Variants in PLD5 observed in about 807,000 individuals in gnomAD.
The protein encoded by PLD5 is inactive phospholipase D5.
In PLD5, 36 loss-of-function variants were observed where a neutral mutation model predicts 61.1. The ratio of observed to expected loss-of-function variants is 0.59; its 90% CI spans 0.45 to 0.78. The LOEUF is 0.78. PLD5 is among the 30% of genes least tolerant of loss of function. The pLI is 0.00. For missense variants in PLD5, 515 were observed against 644.4 expected (o/e 0.80, Z 2.17); for synonymous variants, 243 against 242.8 (o/e 1.00, Z -0.01).
At position 242,107,839 on chromosome 1, in the gene PLD5, C is replaced by T. The variant is rs771112335; in HGVS notation, c.1071G>A (p.Arg357=). ...TTGCATCCAAGTCTGGCCAGTAAGT[C>T]CTGCAGAAATCATATCCAAATAGAA... ...YLPISSTSTK[R]TYWPDLDAKI... The change falls in exon 8 of 10, where the codon AGG becomes AGA. Residue 357 remains arginine (R), a splice_region_variant and synonymous_variant. Transcript: ENST00000536534. 1 of 1,580,388 alleles carries T rather than the reference C, an allele frequency of 6.3e-7. No homozygotes were observed. The highest frequency in any genetic ancestry group is 2.2e-5 in the East Asian group (1 of 44,636).
At chr1:242,191,048 G>GCAAGAGGAGGCTC (rs1308512033) in intron 5 of PLD5, among the ~76,000 whole-genome samples, 1 of 151,642 alleles carries the variant, frequency 6.6e-6, no homozygotes, top group African/African-American at 2.4e-5. Flanking sequence ...ACACCCAAAT[G>GCAAGAGGAGGCTC]CAAGAGGAGG....
At chr1:242,268,011 T>C (rs1673804966) in intron 3 of PLD5, among the ~76,000 whole-genome samples, 1 of 152,146 alleles carries the variant, frequency 6.6e-6, no homozygotes, top group South Asian at 2.1e-4. Flanking sequence ...TTAGTGCCTT[T>C]GTAAATTTTA....
At chr1:242,194,602 C>CTATCTATG (rs751129872) in intron 5 of PLD5, among the ~76,000 whole-genome samples, 1 of 78,828 alleles carries the variant, frequency 1.3e-5, no homozygotes, top group Non-Finnish European at 2.4e-5. Context: ...ATCTATCTAT[C>CTATCTATG]TATGTATCTA....
chr1:242,499,673 C>G (rs1422753576), intron 1 of PLD5, among the ~76,000 whole-genome samples: 3 of 152,136 alleles, frequency 2.0e-5, no homozygotes, highest in Non-Finnish European at 4.4e-5. Context: ...CTTATGATCT[C>G]TTTTTAAGGA....
chr1:242,510,447 A>G (rs1668868112), intron 1 of PLD5, among the ~76,000 whole-genome samples: 1 of 152,170 alleles, frequency 6.6e-6, no homozygotes, highest in Admixed American at 6.5e-5. Context: ...TCACTGTACC[A>G]CTTAGCTTGC....
chr1:242,395,512 A>G (rs747537147), intron 1 of PLD5, among the ~76,000 whole-genome samples: 3 of 152,232 alleles, frequency 2.0e-5, no homozygotes, highest in Non-Finnish European at 2.9e-5. Flanking sequence ...CCAAGAATCA[A>G]CAAAGATATG....
chr1:242,216,665 C>T (rs751059139), intron 5 of PLD5, among the ~76,000 whole-genome samples: 6 of 152,234 alleles, frequency 3.9e-5, no homozygotes, highest in Non-Finnish European at 5.9e-5. Context: ...ACAGCACCTT[C>T]TTTACAGCAC....
chr1:242,298,202 A>C (rs2149155574), intron 2 of PLD5, among the ~76,000 whole-genome samples: 1 of 152,294 alleles, frequency 6.6e-6, no homozygotes, highest in East Asian at 1.9e-4. Context: ...TGTTTCTATA[A>C]TTCTAGATGA....
At chr1:242,099,089 C>A (rs1446039128) in intron 9 of PLD5, among the ~76,000 whole-genome samples, 1 of 152,114 alleles carries the variant, frequency 6.6e-6, no homozygotes, top group African/African-American at 2.4e-5. Context: ...TCAAAGCTGT[C>A]AGACAGGGAC....
intron 2 of PLD5, among the ~76,000 whole-genome samples, chr1:242,307,206 T>G (rs1359758176): frequency 2.0e-5 from 3 of 152,194 alleles, no homozygotes; most frequent in African/African-American, 7.2e-5. Flanking sequence ...GATGGGTACC[T>G]GTCAAAAGGA....
chr1:242,317,583 T>C (rs3933049), intron 2 of PLD5, among the ~76,000 whole-genome samples: 119,974 of 152,052 alleles, frequency 0.79, 48,042 homozygotes, highest in Middle Eastern at 0.86. Flanking sequence ...TGGTGATTTT[T>C]TTTTAAAACT....
intron 4 of PLD5, among the ~76,000 whole-genome samples, chr1:242,234,243 C>T (rs1671494142): frequency 6.6e-6 from 1 of 151,956 alleles, no homozygotes; most frequent in Admixed American, 6.6e-5. Context: ...TTCTTTGTAA[C>T]CCTCTCTGAA....
At chr1:242,376,233 A>G (rs1344695766) in intron 1 of PLD5, among the ~76,000 whole-genome samples, 1 of 152,144 alleles carries the variant, frequency 6.6e-6, no homozygotes, top group African/African-American at 2.4e-5. Flanking sequence ...AACTGAGGAA[A>G]TCAGCCTTCC....
At chr1:242,241,997 A>G (rs1265710946) in intron 4 of PLD5, among the ~76,000 whole-genome samples, 2 of 94,206 alleles carry the variant, frequency 2.1e-5, no homozygotes, top group African/African-American at 7.8e-5. Context: ...CTTACTATAT[A>G]TATATATATA....
At chr1:242,484,053 C>G (rs1016411960) in intron 1 of PLD5, among the ~76,000 whole-genome samples, 3 of 152,126 alleles carry the variant, frequency 2.0e-5, no homozygotes, top group Non-Finnish European at 4.4e-5. Context: ...GGGACACATT[C>G]AAAGCCATGT....
intron 1 of PLD5, among the ~76,000 whole-genome samples, chr1:242,387,686 TTATC>T (rs1489736202): frequency 6.9e-6 from 1 of 144,152 alleles, no homozygotes; most frequent in Admixed American, 6.8e-5. Flanking sequence ...ATATAAAATT[TTATC>T]TATTTTATAT....
chr1:242,137,945 G>T (rs964447425), intron 5 of PLD5, among the ~76,000 whole-genome samples: 1 of 152,118 alleles, frequency 6.6e-6, no homozygotes, highest in Non-Finnish European at 1.5e-5. Context: ...CATGCTTATG[G>T]GTTACTAAGA....
At chr1:242,241,898 T>TGC (rs1257430880) in intron 4 of PLD5, among the ~76,000 whole-genome samples, 7 of 43,792 alleles carry the variant, frequency 1.6e-4, no homozygotes, top group African/African-American at 6.6e-4. Context: ...TATATATATA[T>TGC]ATATATATAT....
chr1:242,267,655 G>A (rs905864427), intron 3 of PLD5, among the ~76,000 whole-genome samples: 3 of 150,384 alleles, frequency 2.0e-5, no homozygotes, highest in African/African-American at 7.4e-5. Flanking sequence ...CAAGGTGGAA[G>A]AATCACTTGA....
Sources: allele counts gnomAD v4.1 joint callset (sites outside exome capture counted in the v4.1 genomes callset), GRCh38; gene constraint gnomAD v4.1.1; transcripts MANE v1.5; gene names NCBI Gene and HGNC (gene_info 2026-07-23, HGNC 2026-07-21).